Variants in MRAP2 observed in about 807,000 individuals in gnomAD.
The protein encoded by MRAP2 is melanocortin 2 receptor accessory protein 2, also known as melanocortin-2 receptor accessory protein 2.
MRAP2 carries 20 observed loss-of-function variants against 17.4 expected under a neutral mutation model. The ratio of observed to expected loss-of-function variants is 1.15; its 90% CI spans 0.81 to 1.67. The LOEUF is 1.67. MRAP2 is among the 40% of genes most tolerant of loss of function. MRAP2 has a pLI of 0.00. For missense variants in MRAP2, 238 were observed against 240.0 expected (o/e 0.99, Z 0.05); for synonymous variants, 96 against 88.4 (o/e 1.09, Z -0.48).
chr6:84,078,518 G>T lies in MRAP2; in HGVS notation c.228-10573G>T, dbSNP rs111345366. Among the ~76,000 whole-genome samples the T allele has an allele frequency of 2.3e-3, 352 of 152,324 alleles. 1 individual carries two copies. The highest frequency in any genetic ancestry group is 7.9e-3 in the African/African-American group (327 of 41,576). On this transcript the variant is annotated intron_variant, in intron 3 of 3. Transcript: ENST00000257776. ...GAAGCAGGTTGCTATGGCTTGGATA[G>T]CTTGTTTGCCCCCACCAAAGCTCAT...
intron 2 of MRAP2, 60 bp downstream of exon 2, chr6:84,055,505 C>T (rs2099491489): frequency 2.6e-6 from 4 of 1,515,330 alleles, no homozygotes; most frequent in Non-Finnish European, 3.6e-6. Flanking sequence ...CCTGTGAAAT[C>T]CCCAAGGATT....
At chr6:84,073,425 G>A (rs900895258) in intron 3 of MRAP2, among the ~76,000 whole-genome samples, 3 of 152,220 alleles carry the variant, frequency 2.0e-5, no homozygotes, top group African/African-American at 7.2e-5. Flanking sequence ...GGCACCCACA[G>A]TATTTGGGGT....
intron 3 of MRAP2, among the ~76,000 whole-genome samples, chr6:84,081,522 C>T (rs2099498996): frequency 1.3e-5 from 2 of 152,142 alleles, no homozygotes; most frequent in African/African-American, 4.8e-5. Flanking sequence ...GCCTAAAAGT[C>T]TGTGGTGATT....
intron 1 of MRAP2, 128 bp downstream of exon 1, chr6:84,034,011 G>A: frequency 1.4e-6 from 1 of 714,738 alleles, no homozygotes; most frequent in Non-Finnish European, 1.7e-6. Flanking sequence ...AGAGGGGCTA[G>A]AGAATGGGGT....
intron 2 of MRAP2, chr6:84,061,679 G>T (rs2099493211): frequency 1.5e-6 from 1 of 667,088 alleles, no homozygotes; most frequent in Non-Finnish European, 1.9e-6. Context: ...GTAAGGTGTG[G>T]CTGTGAGGAA....
intron 1 of MRAP2, among the ~76,000 whole-genome samples, chr6:84,049,517 A>T (rs2099489856): frequency 6.6e-6 from 1 of 152,226 alleles, no homozygotes; most frequent in African/African-American, 2.4e-5. Flanking sequence ...CCCAGGGCAT[A>T]ACAGGAAGAT....
At chr6:84,094,835 G>C (rs2099502392), downstream of MRAP2, among the ~76,000 whole-genome samples, 1 of 151,950 alleles carries the variant, frequency 6.6e-6, no homozygotes, top group Non-Finnish European at 1.5e-5. Context: ...GGGACTACAG[G>C]TGCGCACCAC....
rs1383346483 is a variant in MRAP2 at position 84,035,420 on chromosome 6, CTACTGGGATATAGAT to C, written c.-8+1538_-8+1552del. 10 of 984,548 alleles carry C rather than the reference CTACTGGGATATAGAT, an allele frequency of 1.0e-5. No individual in the cohort carries two copies. In the East Asian group the frequency reaches 1.1e-3, roughly 112 times the overall value. 61.0% of individuals were successfully genotyped at this position (984,548 alleles called of 1,614,324 possible). ...CAACTCCCTTCCCTTTTCTAGCAAT[CTACTGGGATATAGAT>C]CAGGGTATGCTGTATCCATTGTCTT... On this transcript the variant is annotated intron_variant, in intron 1 of 3. Coordinates refer to ENST00000257776, the MANE Select transcript of MRAP2 (RefSeq NM_138409.4).
chr6:84,096,462 C>T, the MRAP2 span, among the ~76,000 whole-genome samples: 1 of 152,222 alleles, frequency 6.6e-6, no homozygotes, highest in Non-Finnish European at 1.5e-5. Context: ...ACAGTACCCA[C>T]AGACCCTATG....
chr6:84,133,583 C>G, the MRAP2 span, among the ~76,000 whole-genome samples: 1 of 152,184 alleles, frequency 6.6e-6, no homozygotes, highest in African/African-American at 2.4e-5. Context: ...CCTCCCCCAG[C>G]CTTGCTGCTG....
Position 84,061,330 on chromosome 6 carries a change from TTAGTG to T in MRAP2, c.128-1559_128-1555del, listed in dbSNP as rs1012544042. Among the ~76,000 whole-genome samples, 152 of 152,328 alleles carry T rather than the reference TTAGTG, an allele frequency of 1.0e-3. 1 individual carries two copies. The highest frequency in any genetic ancestry group is 3.4e-3 in the African/African-American group (143 of 41,578). On this transcript the variant is annotated intron_variant, in intron 2 of 3. Coordinates refer to ENST00000257776, the MANE Select transcript of MRAP2 (RefSeq NM_138409.4). Reference sequence around the variant, plus strand: ...TTGTATTTCCACATAGACAAGCTTCTTAGTGTAGGCCAAAAAATGTAGAATGATTC... The same window carrying T: ...TTGTATTTCCACATAGACAAGCTTCTTAGGCCAAAAAATGTAGAATGATTC...
chr6:84,043,567 G>A (rs1784866315), intron 1 of MRAP2, among the ~76,000 whole-genome samples: 1 of 151,762 alleles, frequency 6.6e-6, no homozygotes, highest in African/African-American at 2.4e-5. Flanking sequence ...GTACCATCAT[G>A]AGCCCTCCCT....
At chr6:84,079,429 A>G (rs927523287) in intron 3 of MRAP2, among the ~76,000 whole-genome samples, 1 of 152,228 alleles carries the variant, frequency 6.6e-6, no homozygotes, top group Non-Finnish European at 1.5e-5. Flanking sequence ...TCTGGAATGA[A>G]GGAAATAAAT....
the MRAP2 span, among the ~76,000 whole-genome samples, chr6:84,096,871 A>G: frequency 4.6e-5 from 7 of 152,174 alleles, no homozygotes; most frequent in African/African-American, 1.2e-4. Context: ...GCTGGTTAAC[A>G]TCCCTAGCAG....
chr6:84,143,485 C>CAA, the MRAP2 span, among the ~76,000 whole-genome samples: 2 of 151,474 alleles, frequency 1.3e-5, no homozygotes, highest in African/African-American at 4.8e-5. Flanking sequence ...TTTTGGTAAG[C>CAA]AAAGTTATGA....
At chr6:84,122,156 T>A in the MRAP2 span, among the ~76,000 whole-genome samples, 2 of 151,954 alleles carry the variant, frequency 1.3e-5, no homozygotes. Flanking sequence ...CTAGTATCAA[T>A]CTTATTGAAA....
chr6:84,144,981 A>G, the MRAP2 span, among the ~76,000 whole-genome samples: 957 of 152,290 alleles, frequency 6.3e-3, 4 homozygotes, highest in African/African-American at 0.022. Context: ...TCTTTGTAAC[A>G]CAACTGGAAA....
intron 1 of MRAP2, chr6:84,045,185 G>A: frequency 1.0e-6 from 1 of 984,938 alleles, no homozygotes; most frequent in Non-Finnish European, 1.2e-6. Flanking sequence ...CCCCACAGAT[G>A]CTAAGGAATG....
intron 3 of MRAP2, among the ~76,000 whole-genome samples, chr6:84,082,349 C>A (rs1453594217): frequency 6.6e-6 from 1 of 152,082 alleles, no homozygotes; most frequent in Non-Finnish European, 1.5e-5. Flanking sequence ...AATATTAAAG[C>A]TCAATCTTTA....
Sources: allele counts gnomAD v4.1 joint callset (sites outside exome capture counted in the v4.1 genomes callset), GRCh38; gene constraint gnomAD v4.1.1; transcripts MANE v1.5; gene names NCBI Gene and HGNC (gene_info 2026-07-23, HGNC 2026-07-21).